TMCC3: variants seen among roughly 807,000 people sequenced by gnomAD.
The protein encoded by TMCC3 is transmembrane and coiled-coil domain family 3, also known as transmembrane and coiled-coil domain protein 3.
TMCC3 carries 28 observed loss-of-function variants against 40.2 expected under a neutral mutation model. That is an observed-to-expected ratio of 0.70 (90% CI 0.52 to 0.95). The LOEUF (loss-of-function observed/expected upper bound fraction) is 0.95. Among genes scored for constraint, TMCC3 ranks in the 40% least tolerant of loss-of-function variants. The pLI is 0.00. For missense variants in TMCC3, 554 were observed against 615.2 expected, an observed-to-expected ratio of 0.90 and a Z score of 1.05; for synonymous variants, 255 against 248.5, an observed-to-expected ratio of 1.03 and a Z score of -0.25.
At chr12:94,618,533 C>T (rs1192547707) in intron 1 of TMCC3, among the ~76,000 whole-genome samples, 1 of 152,212 alleles carries the variant, frequency 6.6e-6, no homozygotes, top group Non-Finnish European at 1.5e-5. Flanking sequence ...AGACAATGAT[C>T]CAATTCAGAG....
intron 1 of TMCC3, among the ~76,000 whole-genome samples, chr12:94,649,735 C>T (rs2069042522): frequency 1.3e-5 from 2 of 152,264 alleles, no homozygotes; most frequent in African/African-American, 4.8e-5. Flanking sequence ...TTTTCGCCCA[C>T]AGCCAAAATC....
At chr12:94,641,136 G>T (rs946973654) in intron 1 of TMCC3, among the ~76,000 whole-genome samples, 14 of 151,776 alleles carry the variant, frequency 9.2e-5, no homozygotes, top group Middle Eastern at 3.2e-3. Context: ...GGAGGCAGAG[G>T]TTGCAGTCAG....
At chr12:94,626,892 G>C (rs187649245) in intron 1 of TMCC3, among the ~76,000 whole-genome samples, 1 of 152,142 alleles carries the variant, frequency 6.6e-6, no homozygotes, top group African/African-American at 2.4e-5. Context: ...GGGTCTTCTT[G>C]TTCTGTCGCC....
At chr12:94,624,430 T>C (rs2068891805) in intron 1 of TMCC3, among the ~76,000 whole-genome samples, 2 of 152,168 alleles carry the variant, frequency 1.3e-5, no homozygotes, top group Admixed American at 6.5e-5. Flanking sequence ...TATTCAGCCA[T>C]GGCCAGGCAT....
At chr12:94,641,064 A>T (rs1320562121) in intron 1 of TMCC3, among the ~76,000 whole-genome samples, 1 of 151,974 alleles carries the variant, frequency 6.6e-6, no homozygotes, top group Non-Finnish European at 1.5e-5. Flanking sequence ...TCTGGACATG[A>T]TGGTATGTGC....
chr12:94,590,659 T>G (rs2138836522), intron 1 of TMCC3, among the ~76,000 whole-genome samples: 1 of 152,260 alleles, frequency 6.6e-6, no homozygotes, highest in East Asian at 1.9e-4. Flanking sequence ...GAGACCGATG[T>G]GGGGCTCAGC....
chr12:94,646,849 G>C (rs907866390), intron 1 of TMCC3, among the ~76,000 whole-genome samples: 2 of 151,600 alleles, frequency 1.3e-5, no homozygotes, highest in Non-Finnish European at 2.9e-5. Flanking sequence ...GCTCAGAAAG[G>C]CTATTTAGGA....
intron 1 of TMCC3, among the ~76,000 whole-genome samples, chr12:94,597,327 A>C (rs1456616826): frequency 6.6e-6 from 1 of 151,150 alleles, no homozygotes; most frequent in Non-Finnish European, 1.5e-5. Flanking sequence ...AGAAAGAAAA[A>C]GAAAAAAAAA....
chr12:94,584,709 T>A (rs1014308101), intron 1 of TMCC3, among the ~76,000 whole-genome samples: 1 of 151,812 alleles, frequency 6.6e-6, no homozygotes, highest in Non-Finnish European at 1.5e-5. Context: ...TGCACAATTT[T>A]GTCATGAAGG....
chr12:94,584,362 C>CT (rs971313495), intron 1 of TMCC3, among the ~76,000 whole-genome samples: 1 of 151,950 alleles, frequency 6.6e-6, no homozygotes, highest in African/African-American at 2.4e-5. Context: ...AAAAGCTCCC[C>CT]GCAGCCTCCC....
intron 1 of TMCC3, among the ~76,000 whole-genome samples, chr12:94,649,895 G>C (rs1391098392): frequency 6.6e-6 from 1 of 151,792 alleles, no homozygotes. Flanking sequence ...CCGCGCTCGG[G>C]TTCCGGCCAC....
intron 1 of TMCC3, among the ~76,000 whole-genome samples, chr12:94,597,696 C>G (rs1485056740): frequency 6.6e-6 from 1 of 151,930 alleles, no homozygotes; most frequent in African/African-American, 2.4e-5. Context: ...ATCCCAGCTA[C>G]TCAGTGGGGC....
At chr12:94,604,878 T>C (rs899750763) in intron 1 of TMCC3, among the ~76,000 whole-genome samples, 8 of 148,000 alleles carry the variant, frequency 5.4e-5, no homozygotes, top group Admixed American at 2.0e-4. Flanking sequence ...GGGGCTTCAA[T>C]GAGAAGCTTC....
chr12:94,647,128 GGAT>G (rs1202566032), intron 1 of TMCC3, among the ~76,000 whole-genome samples: 1 of 152,124 alleles, frequency 6.6e-6, no homozygotes, highest in African/African-American at 2.4e-5. Context: ...GTCTAATTAT[GGAT>G]GCTCTTTCTT....
At chr12:94,629,521 G>A (rs1264704411) in intron 1 of TMCC3, among the ~76,000 whole-genome samples, 8 of 152,348 alleles carry the variant, frequency 5.3e-5, no homozygotes, top group Middle Eastern at 3.4e-3. Flanking sequence ...TGGGCACACC[G>A]TGAAGCACCA....
chr12:94,581,959 T>C lies in TMCC3; in HGVS notation c.658A>G (p.Ile220Val). The change falls in exon 2 of 4, where the codon ATT (isoleucine) becomes GTT (valine). Residue 220 changes from isoleucine (I) to valine (V), a missense_variant. By Grantham distance (29) the Ile-to-Val change is conservative (BLOSUM62 3). Transcript: ENST00000261226. The part of the protein sequence containing the change: ...IRNKFGSADN[I>V]AHLKNSLEEF... Reference sequence around the variant, plus strand: ...TCTAAGGAATTTTTCAAGTGAGCAATGTTGTCGGCGCTGCCAAACTTATTC... The same window carrying C: ...TCTAAGGAATTTTTCAAGTGAGCAACGTTGTCGGCGCTGCCAAACTTATTC... 4 of 1,614,258 alleles carry C rather than the reference T, an allele frequency of 2.5e-6. No individual in the cohort carries two copies. Among genetic ancestry groups the C allele is most frequent in the Non-Finnish European group, 3.4e-6 (4 of 1,180,046 alleles).
intron 1 of TMCC3, among the ~76,000 whole-genome samples, chr12:94,616,933 C>T (rs1432355996): frequency 2.0e-5 from 3 of 152,238 alleles, no homozygotes; most frequent in South Asian, 4.2e-4. Flanking sequence ...TCTGAGAAAG[C>T]AAGATGGAAA....
At chr12:94,621,474 T>C (rs770870963) in intron 1 of TMCC3, among the ~76,000 whole-genome samples, 10 of 152,190 alleles carry the variant, frequency 6.6e-5, no homozygotes, top group Admixed American at 3.9e-4. Flanking sequence ...TTGAAACTAT[T>C]GAGCTAGATC....
At chr12:94,625,999 A>T (rs1348536768) in intron 1 of TMCC3, among the ~76,000 whole-genome samples, 1 of 152,230 alleles carries the variant, frequency 6.6e-6, no homozygotes, top group African/African-American at 2.4e-5. Flanking sequence ...TATAAAGGAA[A>T]GAGGTTTAAT....
Sources: gnomAD v4.1 joint callset for allele counts (sites outside exome capture counted in the v4.1 genomes callset) on GRCh38, gnomAD v4.1.1 for gene constraint, MANE v1.5 for transcripts, NCBI Gene and HGNC (gene_info 2026-07-23, HGNC 2026-07-21) for gene names.